The following KCNMB2 variants were observed in gnomAD, a reference collection of about 807,000 sequenced individuals.
KCNMB2 encodes potassium calcium-activated channel subfamily M regulatory beta subunit 2.
Under a neutral mutation model 24.5 loss-of-function variants are expected in KCNMB2, and 9 were observed. The ratio of observed to expected loss-of-function variants is 0.37; its 90% CI spans 0.22 to 0.64. The LOEUF is 0.64. Ranked by LOEUF, KCNMB2 falls within the 30% of genes least tolerant of loss-of-function variation. The probability of loss-of-function intolerance (pLI) is 0.63; values close to 1 mark genes in which losing one functional copy is unlikely to be tolerated. For missense variants in KCNMB2, 226 were observed against 284.3 expected (o/e 0.79, Z 1.47); for synonymous variants, 109 against 104.4 (o/e 1.04, Z -0.27).
At chr3:178,791,150 C>T (rs780000144) in intron 1 of KCNMB2, among the ~76,000 whole-genome samples, 5 of 152,142 alleles carry the variant, frequency 3.3e-5, no homozygotes, top group African/African-American at 7.2e-5. Flanking sequence ...TGGCCAATAC[C>T]GGAATGACAG....
At chr3:178,594,472 G>C (rs1717793620) in intron 1 of KCNMB2, among the ~76,000 whole-genome samples, 1 of 152,088 alleles carries the variant, frequency 6.6e-6, no homozygotes, top group African/African-American at 2.4e-5. Flanking sequence ...AGGTGTGACA[G>C]AATGAAGAAA....
intron 1 of KCNMB2, among the ~76,000 whole-genome samples, chr3:178,723,491 T>C (rs1722873145): frequency 6.6e-6 from 1 of 152,230 alleles, no homozygotes; most frequent in Non-Finnish European, 1.5e-5. Flanking sequence ...TTCCTGTTTT[T>C]ATTTTTTATT....
intron 1 of KCNMB2, among the ~76,000 whole-genome samples, chr3:178,646,196 G>A (rs1284659391): frequency 6.6e-6 from 1 of 152,160 alleles, no homozygotes; most frequent in African/African-American, 2.4e-5. Flanking sequence ...GTCCTGGAGA[G>A]ATAGTTTGAA....
intron 1 of KCNMB2, among the ~76,000 whole-genome samples, chr3:178,543,878 T>C (rs985876490): frequency 1.3e-5 from 2 of 152,192 alleles, no homozygotes; most frequent in Non-Finnish European, 2.9e-5. Context: ...CTTCACAATA[T>C]GTTTCTCCTT....
At chr3:178,706,207 C>T (rs1462294347) in intron 1 of KCNMB2, among the ~76,000 whole-genome samples, 1 of 152,116 alleles carries the variant, frequency 6.6e-6, no homozygotes, top group African/African-American at 2.4e-5. Flanking sequence ...GCTTGATCTT[C>T]CACAAAGTAC....
At chr3:178,816,341 T>C (rs1221998209) in intron 2 of KCNMB2, among the ~76,000 whole-genome samples, 1 of 151,958 alleles carries the variant, frequency 6.6e-6, no homozygotes, top group Non-Finnish European at 1.5e-5. Context: ...GTAGTTATAG[T>C]TTTTAATTCC....
intron 1 of KCNMB2, among the ~76,000 whole-genome samples, chr3:178,618,799 G>T (rs1232561649): frequency 6.6e-6 from 1 of 152,196 alleles, no homozygotes; most frequent in Non-Finnish European, 1.5e-5. Context: ...AAAAAGTAAT[G>T]TGAATTGGGA....
chr3:178,765,944 G>C (rs1010249859), intron 1 of KCNMB2, among the ~76,000 whole-genome samples: 1 of 152,028 alleles, frequency 6.6e-6, no homozygotes, highest in Non-Finnish European at 1.5e-5. Context: ...AAATATTCCA[G>C]AGTCTACTTT....
chr3:178,779,068 C>T (rs1457962566), intron 1 of KCNMB2, among the ~76,000 whole-genome samples: 1 of 152,140 alleles, frequency 6.6e-6, no homozygotes, highest in African/African-American at 2.4e-5. Context: ...AGTGATGAAT[C>T]CCACTGTACC....
chr3:178,589,277 A>C (rs1387081229), intron 1 of KCNMB2, among the ~76,000 whole-genome samples: 1 of 152,188 alleles, frequency 6.6e-6, no homozygotes, highest in Non-Finnish European at 1.5e-5. Flanking sequence ...TTGTAAAATC[A>C]CTGAATTTTG....
chr3:178,772,909 C>G (rs962056717), intron 1 of KCNMB2, among the ~76,000 whole-genome samples: 2 of 152,138 alleles, frequency 1.3e-5, no homozygotes, highest in African/African-American at 2.4e-5. Context: ...CCTGAACCAC[C>G]CTTGTGGTTT....
chr3:178,646,478 G>A (rs951099402), intron 1 of KCNMB2, among the ~76,000 whole-genome samples: 1 of 152,200 alleles, frequency 6.6e-6, no homozygotes, highest in Non-Finnish European at 1.5e-5. Context: ...GGGACAAAGG[G>A]CATCTGTTTC....
chr3:178,715,348 G>A (rs567618853), intron 1 of KCNMB2, among the ~76,000 whole-genome samples: 5 of 147,378 alleles, frequency 3.4e-5, no homozygotes, highest in Non-Finnish European at 6.0e-5. Flanking sequence ...CTTTTTCGTT[G>A]TTGTTTTTGT....
chr3:178,628,159 C>T (rs1719187445), intron 1 of KCNMB2, among the ~76,000 whole-genome samples: 1 of 152,152 alleles, frequency 6.6e-6, no homozygotes, highest in Non-Finnish European at 1.5e-5. Context: ...TTGTCTCATA[C>T]AGTAACTCTC....
chr3:178,639,643 C>G (rs1443752604), intron 1 of KCNMB2, among the ~76,000 whole-genome samples: 1 of 152,220 alleles, frequency 6.6e-6, no homozygotes, highest in Non-Finnish European at 1.5e-5. Context: ...AAAAAGGGCT[C>G]TTCTCAAACT....
At chr3:178,556,582 T>C (rs1244889291) in intron 1 of KCNMB2, among the ~76,000 whole-genome samples, 2 of 152,184 alleles carry the variant, frequency 1.3e-5, no homozygotes, top group Non-Finnish European at 1.5e-5. Context: ...TTTTTTTGTA[T>C]TTTTAGTAGA....
intron 1 of KCNMB2, among the ~76,000 whole-genome samples, chr3:178,734,307 A>C (rs1723248672): frequency 1.3e-5 from 2 of 152,220 alleles, no homozygotes; most frequent in Admixed American, 1.3e-4. Context: ...GCCTTCACTC[A>C]AAAACTTTTG....
chr3:178,781,269 T>C lies in KCNMB2; in HGVS notation c.-67-26074T>C, dbSNP rs115545346. Among the ~76,000 whole-genome samples the C allele has an allele frequency of 3.1e-3, 479 of 152,288 alleles. 5 individuals carry two copies. Among genetic ancestry groups the C allele is most frequent in the African/African-American group, 0.011 (464 of 41,566 alleles). ...ATATTAAGAAGATATTTTTGTTTTG[T>C]TTTGTTTACAGCAAAGGGGACCAAA... On this transcript the variant is annotated intron_variant, in intron 1 of 4. Transcript: ENST00000452583.
chr3:178,792,924 C>G (rs1164273829), intron 1 of KCNMB2, among the ~76,000 whole-genome samples: 1 of 152,216 alleles, frequency 6.6e-6, no homozygotes, highest in Non-Finnish European at 1.5e-5. Context: ...TGGGCACACC[C>G]AAGGGCAGGC....
Sources: allele counts gnomAD v4.1 joint callset (sites outside exome capture counted in the v4.1 genomes callset), GRCh38; gene constraint gnomAD v4.1.1; transcripts MANE v1.5; gene names NCBI Gene and HGNC (gene_info 2026-07-23, HGNC 2026-07-21).